The following PLXDC2 variants were observed in gnomAD, a reference collection of about 807,000 sequenced individuals.
The protein encoded by PLXDC2 is plexin domain containing 2, also known as plexin domain-containing protein 2.
A neutral mutation model predicts 68.9 loss-of-function variants in PLXDC2; 40 were observed. The observed-to-expected ratio is 0.58, with a 90% CI of 0.45 to 0.76. PLXDC2 has a LOEUF of 0.76. Ranked by LOEUF, PLXDC2 falls within the 30% of genes least tolerant of loss-of-function variation. PLXDC2 has a pLI of 0.00. For synonymous variants in PLXDC2, 243 were observed against 234.2 expected, an observed-to-expected ratio of 1.04 and a Z score of -0.34; for missense variants, 644 against 661.9, an observed-to-expected ratio of 0.97 and a Z score of 0.30.
intron 13 of PLXDC2, among the ~76,000 whole-genome samples, chr10:20,267,777 AAAAC>A (rs979435139): frequency 1.3e-5 from 2 of 152,122 alleles, no homozygotes; most frequent in African/African-American, 4.8e-5. Context: ...AAACAAAACA[AAAAC>A]AAAAGAAGTT....
chr10:20,034,760 A>G (rs1462295964), intron 2 of PLXDC2, among the ~76,000 whole-genome samples: 1 of 152,192 alleles, frequency 6.6e-6, no homozygotes, highest in Non-Finnish European at 1.5e-5. Flanking sequence ...CTGTATTTTT[A>G]CCGTAACTTT....
chr10:20,272,548 A>C (rs1835953444), intron 13 of PLXDC2, among the ~76,000 whole-genome samples: 1 of 152,232 alleles, frequency 6.6e-6, no homozygotes, highest in Non-Finnish European at 1.5e-5. Flanking sequence ...GCAAGTGAAC[A>C]CACTTATTGT....
At chr10:20,073,410 A>G (rs553268936) in intron 4 of PLXDC2, among the ~76,000 whole-genome samples, 2 of 152,350 alleles carry the variant, frequency 1.3e-5, no homozygotes, top group African/African-American at 2.4e-5. Flanking sequence ...CAATATAGAC[A>G]TATACATCGT....
intron 1 of PLXDC2, among the ~76,000 whole-genome samples, chr10:19,928,831 T>G (rs1203846466): frequency 6.7e-6 from 1 of 149,002 alleles, no homozygotes; most frequent in Non-Finnish European, 1.5e-5. Context: ...CTTGGCTCAC[T>G]GTAACCTCGG....
chr10:20,049,843 T>C (rs1335128661), intron 3 of PLXDC2, among the ~76,000 whole-genome samples: 5 of 152,070 alleles, frequency 3.3e-5, no homozygotes, highest in East Asian at 1.9e-4. Context: ...ACATTCTTCA[T>C]AGAAGTAGAA....
chr10:19,834,923 T>C (rs533190847), intron 1 of PLXDC2, among the ~76,000 whole-genome samples: 60 of 152,218 alleles, frequency 3.9e-4, no homozygotes, highest in African/African-American at 1.4e-3. Context: ...CACTATGGCA[T>C]TGAGAAATGG....
chr10:19,873,909 A>G (rs919016344), intron 1 of PLXDC2, among the ~76,000 whole-genome samples: 3 of 152,156 alleles, frequency 2.0e-5, no homozygotes, highest in Non-Finnish European at 4.4e-5. Context: ...AGTTCTTGTG[A>G]GGACTTACCA....
At chr10:20,230,700 A>AAAAAAAAAAAAAAAAG (rs1835350841) in intron 12 of PLXDC2, among the ~76,000 whole-genome samples, 1 of 149,302 alleles carries the variant, frequency 6.7e-6, no homozygotes, top group African/African-American at 2.4e-5. Context: ...TCTCAAAAAA[A>AAAAAAAAAAAAAAAAG]AAAAAAAAAA....
At chr10:19,910,503 G>A (rs140305261) in intron 1 of PLXDC2, among the ~76,000 whole-genome samples, 46 of 151,648 alleles carry the variant, frequency 3.0e-4, no homozygotes, top group African/African-American at 9.4e-4. Flanking sequence ...AATAATAAAG[G>A]ACTGGGTCCT....
chr10:19,987,621 G>A (rs779179616), intron 1 of PLXDC2, among the ~76,000 whole-genome samples: 1 of 151,802 alleles, frequency 6.6e-6, no homozygotes, highest in East Asian at 1.9e-4. Flanking sequence ...GAGTGCAGTG[G>A]CGCGATCTCG....
At chr10:20,044,397 G>A (rs1349201952) in intron 2 of PLXDC2, among the ~76,000 whole-genome samples, 3 of 150,030 alleles carry the variant, frequency 2.0e-5, no homozygotes, top group Non-Finnish European at 3.0e-5. Context: ...TGCAAACTCC[G>A]CCTCCCAAGT....
intron 1 of PLXDC2, among the ~76,000 whole-genome samples, chr10:19,962,484 G>A (rs1834173872): frequency 6.9e-6 from 1 of 145,940 alleles, no homozygotes; most frequent in South Asian, 2.2e-4. Context: ...TCCGCCTCGA[G>A]GTTTCACGCC....
intron 3 of PLXDC2, among the ~76,000 whole-genome samples, chr10:20,051,395 A>AATATATATAT (rs57093355): frequency 3.5e-4 from 41 of 118,460 alleles, no homozygotes; most frequent in African/African-American, 4.8e-4. Context: ...ATAAAGGTTA[A>AATATATATAT]ATATATATAT....
intron 3 of PLXDC2, among the ~76,000 whole-genome samples, chr10:20,065,821 A>G (rs1256166368): frequency 6.6e-6 from 1 of 152,218 alleles, no homozygotes; most frequent in African/African-American, 2.4e-5. Context: ...CTCAGGTGGT[A>G]ACGCAAGCCA....
intron 4 of PLXDC2, among the ~76,000 whole-genome samples, chr10:20,072,470 G>GAAGGAAC (rs1836339849): frequency 1.7e-5 from 2 of 116,990 alleles, no homozygotes; most frequent in Admixed American, 9.4e-5. Flanking sequence ...AAGAAAGAAA[G>GAAGGAAC]AAAGAAGGAA....
intron 4 of PLXDC2, among the ~76,000 whole-genome samples, chr10:20,128,402 T>A (rs1436653766): frequency 6.6e-6 from 1 of 152,198 alleles, no homozygotes; most frequent in Non-Finnish European, 1.5e-5. Context: ...TTGTATATAT[T>A]TAAGATGCAC....
chr10:20,187,588 T>C (rs1834703562), intron 9 of PLXDC2, among the ~76,000 whole-genome samples: 1 of 151,848 alleles, frequency 6.6e-6, no homozygotes, highest in South Asian at 2.1e-4. Flanking sequence ...ATAATTTACT[T>C]CAAAGCTTTT....
chr10:19,993,043 G>A (rs1834777027), intron 1 of PLXDC2, among the ~76,000 whole-genome samples: 1 of 152,150 alleles, frequency 6.6e-6, no homozygotes, highest in African/African-American at 2.4e-5. Context: ...TCTCACATAC[G>A]TCAATTCCCT....
chr10:20,180,479 C>T (rs533609466), intron 9 of PLXDC2, among the ~76,000 whole-genome samples: 5 of 152,090 alleles, frequency 3.3e-5, no homozygotes, highest in African/African-American at 1.2e-4. Context: ...AAGCATTTCC[C>T]CAGACTTTAG....
Sources: allele counts gnomAD v4.1 joint callset (sites outside exome capture counted in the v4.1 genomes callset), GRCh38; gene constraint gnomAD v4.1.1; transcripts MANE v1.5; gene names NCBI Gene and HGNC (gene_info 2026-07-23, HGNC 2026-07-21).